The following DCHS2 variants were observed in gnomAD, a reference collection of about 807,000 sequenced individuals.
DCHS2 encodes protocadherin-23.
A neutral mutation model predicts 182.4 loss-of-function variants in DCHS2; 142 were observed. The ratio of observed to expected loss-of-function variants is 0.78; its 90% CI spans 0.68 to 0.89. The LOEUF is 0.89. Among genes scored for constraint, DCHS2 ranks in the 40% least tolerant of loss-of-function variants. The pLI, the probability that DCHS2 is intolerant of heterozygous loss-of-function variation, is 0.00. For missense variants in DCHS2, 4,319 were observed against 4,198.6 expected, an observed-to-expected ratio of 1.03 and a Z score of -0.79; for synonymous variants, 1,740 against 1,663.3, an observed-to-expected ratio of 1.05 and a Z score of -1.12.
chr4:154,271,892 T>C (rs902976265), intron 13 of DCHS2, among the ~76,000 whole-genome samples: 4 of 152,150 alleles, frequency 2.6e-5, no homozygotes, highest in Non-Finnish European at 5.9e-5. Flanking sequence ...ATCATGATCA[T>C]AGAATATATT....
At chr4:154,422,003 G>T (rs773612536) in intron 1 of DCHS2, among the ~76,000 whole-genome samples, 1 of 152,080 alleles carries the variant, frequency 6.6e-6, no homozygotes, top group African/African-American at 2.4e-5. Flanking sequence ...TTCAGTAAAG[G>T]TTGCCACTCT....
At chr4:154,398,911 G>T (rs1220707751) in intron 1 of DCHS2, among the ~76,000 whole-genome samples, 1 of 152,188 alleles carries the variant, frequency 6.6e-6, no homozygotes, top group Non-Finnish European at 1.5e-5. Flanking sequence ...GGCTTTAAAA[G>T]GACAGTTTTT....
chr4:154,343,669 C>T, intron 3 of DCHS2: 1 of 1,424,084 alleles, frequency 7.0e-7, no homozygotes, highest in African/African-American at 1.4e-5. Flanking sequence ...AGAGTTAGGA[C>T]CTTGCTCTGG....
In DCHS2 at chr4:154,320,974, A is replaced by G; in HGVS notation, c.4425T>C (p.Tyr1475=). Reference sequence around the variant, plus strand: ...GGTCTGTAGTAATCACTCTGAAAAGATAATGAGATGTCGTCTCATAATCAA... The same window carrying G: ...GGTCTGTAGTAATCACTCTGAAAAGGTAATGAGATGTCGTCTCATAATCAA... The part of the protein sequence containing the change: ...KELDYETTSH[Y]LFRVITTDHS... Residue 1475 remains tyrosine, a synonymous_variant, in exon 9 of 20, where the codon TAT becomes TAC. Coordinates refer to ENST00000357232, the MANE Select transcript of DCHS2 (RefSeq NM_001358235.2). The G allele has an allele frequency of 1.9e-6, 3 of 1,614,108 alleles. No homozygotes were observed. The highest frequency in any genetic ancestry group is 2.5e-6 in the Non-Finnish European group (3 of 1,179,990).
At chr4:154,422,600 A>G (rs1352798361) in intron 1 of DCHS2, among the ~76,000 whole-genome samples, 1 of 152,188 alleles carries the variant, frequency 6.6e-6, no homozygotes, top group Non-Finnish European at 1.5e-5. Flanking sequence ...TCTAGAAAAC[A>G]TATATATACC....
chr4:154,304,240 A>G (rs983736932), intron 12 of DCHS2, among the ~76,000 whole-genome samples: 1 of 152,126 alleles, frequency 6.6e-6, no homozygotes, highest in Non-Finnish European at 1.5e-5. Flanking sequence ...AGCAACAAAA[A>G]TAGAAAAACA....
chr4:154,421,181 G>C (rs570007430), intron 1 of DCHS2, among the ~76,000 whole-genome samples: 1 of 152,162 alleles, frequency 6.6e-6, no homozygotes, highest in Non-Finnish European at 1.5e-5. Context: ...AGGACTTATA[G>C]AAAGTATCCT....
In DCHS2 at chr4:154,489,853, GCTCT is replaced by G; in HGVS notation, c.1499_1502del (p.Glu500AlafsTer19). ...CCAGTAGTAACTCATACAGATCGCG[GCTCT>G]CTCTGTCCAGGGGCCCCTCCACGCA... On this transcript the variant is annotated frameshift_variant, in exon 1 of 20. Transcript: ENST00000357232. LOFTEE classifies it high-confidence loss of function. The G allele has an allele frequency of 6.5e-7, 1 of 1,548,368 alleles. No homozygotes were observed. The highest frequency in any genetic ancestry group is 8.7e-7 in the Non-Finnish European group (1 of 1,144,664).
intron 1 of DCHS2, among the ~76,000 whole-genome samples, chr4:154,388,898 C>T (rs1731543550): frequency 6.6e-6 from 1 of 152,138 alleles, no homozygotes; most frequent in African/African-American, 2.4e-5. Flanking sequence ...GGCCGTCTGT[C>T]TATTGAACTA....
chr4:154,436,849 CTT>C (rs750790640), intron 1 of DCHS2, among the ~76,000 whole-genome samples: 27 of 152,130 alleles, frequency 1.8e-4, no homozygotes, highest in Non-Finnish European at 3.7e-4. Context: ...GATTTCAAAA[CTT>C]AATTTGAAAA....
intron 3 of DCHS2, among the ~76,000 whole-genome samples, chr4:154,348,764 T>C (rs1232584567): frequency 2.0e-5 from 3 of 151,884 alleles, no homozygotes; most frequent in African/African-American, 7.3e-5. Context: ...TGTTGACACC[T>C]TGATTTCAGA....
chr4:154,239,525 T>C (rs141716935), intron 18 of DCHS2, among the ~76,000 whole-genome samples: 255 of 152,330 alleles, frequency 1.7e-3, no homozygotes, highest in African/African-American at 6.0e-3. Context: ...TTTGTTTTGT[T>C]TGAGATGCAG....
At position 154,240,565 on chromosome 4, in the gene DCHS2, G is replaced by A; in HGVS notation, c.7331C>T (p.Pro2444Leu). ...VVRVLDVNDN[P>L]PVFSQDFYQV... ...ATAGAAATCTTGAGAAAACACTGGTGGATTATCATTGACATCCAGCACACG... is the reference window on the plus strand; with the variant it reads ...ATAGAAATCTTGAGAAAACACTGGTAGATTATCATTGACATCCAGCACACG... Residue 2444 changes from proline to leucine, a missense_variant, in exon 18 of 20, where the codon CCA becomes CTA. Coordinates refer to ENST00000357232, the MANE Select transcript of DCHS2 (RefSeq NM_001358235.2). The A allele has an allele frequency of 6.2e-7, 1 of 1,613,670 alleles. No individual in the cohort carries two copies. The highest frequency in any genetic ancestry group is 8.5e-7 in the Non-Finnish European group (1 of 1,179,814).
At chr4:154,486,305 CCAGCACCATAGTGCCAGCAA>C in intron 1 of DCHS2, 1 of 993,764 alleles carries the variant, frequency 1.0e-6, no homozygotes, top group Non-Finnish European at 1.3e-6. Context: ...GGGAGGGTGG[CCAGCACCATAGTGCCAGCAA>C]CAGCAGCAAC....
At chr4:154,384,235 C>T (rs886756168) in intron 1 of DCHS2, 102 of 1,386,896 alleles carry the variant, frequency 7.4e-5, no homozygotes, top group African/African-American at 4.4e-4. Flanking sequence ...GTCTAATGAT[C>T]GAGGCTTGAT....
At chr4:154,489,251 C>T in intron 1 of DCHS2, 53 bp downstream of exon 1, 2 of 1,393,828 alleles carry the variant, frequency 1.4e-6, no homozygotes, top group Non-Finnish European at 1.9e-6. Flanking sequence ...ACTCACAACC[C>T]TCTCCATCCC....
intron 10 of DCHS2, among the ~76,000 whole-genome samples, chr4:154,311,487 G>A (rs1484271046): frequency 2.6e-5 from 4 of 151,812 alleles, no homozygotes; most frequent in East Asian, 3.9e-4. Context: ...CTCCCACCTC[G>A]GCCTTCCAAA....
chr4:154,449,593 G>A (rs755746276), intron 1 of DCHS2, among the ~76,000 whole-genome samples: 39 of 152,056 alleles, frequency 2.6e-4, no homozygotes, highest in Non-Finnish European at 5.0e-4. Context: ...GGCTGGTCTC[G>A]AACTCCTGGG....
chr4:154,322,643 C>A, intron 7 of DCHS2, 155 bp from the exon 8 acceptor site: 1 of 1,072,520 alleles, frequency 9.3e-7, no homozygotes, highest in Non-Finnish European at 1.3e-6. Context: ...AGACAAGAAA[C>A]ATCACTTTTT....
Sources: gnomAD v4.1 joint callset for allele counts (sites outside exome capture counted in the v4.1 genomes callset) on GRCh38, gnomAD v4.1.1 for gene constraint, MANE v1.5 for transcripts, NCBI Gene and HGNC (gene_info 2026-07-23, HGNC 2026-07-21) for gene names.